The following TMEM132D variants were observed in gnomAD, a reference collection of about 807,000 sequenced individuals.
TMEM132D encodes mature OL transmembrane protein.
Under a neutral mutation model 62.3 loss-of-function variants are expected in TMEM132D, and 21 were observed. That is an observed-to-expected ratio of 0.34 (90% CI 0.24 to 0.49). TMEM132D has a LOEUF of 0.49. Ranked by LOEUF, TMEM132D falls within the 20% of genes least tolerant of loss-of-function variation. TMEM132D has a pLI of 0.99. For synonymous variants in TMEM132D, 621 were observed against 575.6 expected (o/e 1.08, Z -1.13); for missense variants, 1,346 against 1,402.8 (o/e 0.96, Z 0.65).
chr12:129,778,920 G>A (rs890618256), intron 1 of TMEM132D, among the ~76,000 whole-genome samples: 18 of 152,130 alleles, frequency 1.2e-4, no homozygotes, highest in Non-Finnish European at 2.4e-4. Flanking sequence ...TGAATAACAG[G>A]ACAATGATAA....
At chr12:129,817,609 G>A (rs1377572585) in intron 1 of TMEM132D, among the ~76,000 whole-genome samples, 1 of 116,202 alleles carries the variant, frequency 8.6e-6, no homozygotes, top group African/African-American at 3.1e-5. Context: ...GTGTGTGTGT[G>A]TAGTATGGGG....
intron 5 of TMEM132D, among the ~76,000 whole-genome samples, chr12:129,151,516 T>C (rs1415540046): frequency 6.6e-6 from 1 of 152,200 alleles, no homozygotes; most frequent in Non-Finnish European, 1.5e-5. Context: ...GCCATCGTCA[T>C]GCGACGCTCA....
intron 1 of TMEM132D, among the ~76,000 whole-genome samples, chr12:129,846,659 T>G (rs1873372811): frequency 6.6e-6 from 1 of 152,208 alleles, no homozygotes; most frequent in Non-Finnish European, 1.5e-5. Context: ...GAAAATTCTC[T>G]GTTTCTCTCT....
At chr12:129,667,721 A>G (rs1240646801) in intron 2 of TMEM132D, among the ~76,000 whole-genome samples, 1 of 152,120 alleles carries the variant, frequency 6.6e-6, no homozygotes, top group African/African-American at 2.4e-5. Context: ...CAAAAATAAC[A>G]TTTATTTTGT....
At chr12:129,851,857 C>G (rs1873554218) in intron 1 of TMEM132D, among the ~76,000 whole-genome samples, 1 of 152,202 alleles carries the variant, frequency 6.6e-6, no homozygotes, top group Non-Finnish European at 1.5e-5. Flanking sequence ...ATGAGTATGG[C>G]TATATTTTAA....
intron 1 of TMEM132D, among the ~76,000 whole-genome samples, chr12:129,738,917 G>A (rs193150277): frequency 2.0e-5 from 3 of 152,318 alleles, no homozygotes; most frequent in Admixed American, 2.0e-4. Context: ...TCCAGAAGGA[G>A]TATAATGATC....
At chr12:129,688,633 G>T (rs1880987586) in intron 2 of TMEM132D, among the ~76,000 whole-genome samples, 1 of 151,952 alleles carries the variant, frequency 6.6e-6, no homozygotes, top group African/African-American at 2.4e-5. Flanking sequence ...AGTAGGTGGG[G>T]TGGAATTATG....
chr12:129,514,619 G>A (rs868570171), intron 3 of TMEM132D, among the ~76,000 whole-genome samples: 2 of 152,146 alleles, frequency 1.3e-5, no homozygotes, highest in African/African-American at 4.8e-5. Context: ...CATTCATCCC[G>A]AACATTCATC....
At chr12:129,658,322 A>G (rs1880148359) in intron 2 of TMEM132D, among the ~76,000 whole-genome samples, 2 of 152,260 alleles carry the variant, frequency 1.3e-5, no homozygotes, top group Admixed American at 1.3e-4. Context: ...TTCTTCTTTC[A>G]TTTCTCCTAC....
intron 1 of TMEM132D, among the ~76,000 whole-genome samples, chr12:129,707,202 A>G (rs1010242280): frequency 1.8e-4 from 26 of 148,066 alleles, no homozygotes; most frequent in Non-Finnish European, 3.4e-4. Flanking sequence ...TTGTAATATA[A>G]TATATAATAG....
intron 5 of TMEM132D, among the ~76,000 whole-genome samples, chr12:129,114,784 G>A (rs560353021): frequency 9.2e-5 from 14 of 152,288 alleles, no homozygotes; most frequent in African/African-American, 3.1e-4. Context: ...CCAGATGTAC[G>A]TGTTTTCCTA....
chr12:129,810,067 C>A (rs377284881), intron 1 of TMEM132D, among the ~76,000 whole-genome samples: 1 of 152,130 alleles, frequency 6.6e-6, no homozygotes, highest in Non-Finnish European at 1.5e-5. Context: ...AAGGGAGAAG[C>A]AATTTTCCCA....
At chr12:129,102,603 C>A (rs1021119018) in intron 5 of TMEM132D, among the ~76,000 whole-genome samples, 7 of 152,084 alleles carry the variant, frequency 4.6e-5, no homozygotes, top group African/African-American at 1.7e-4. Flanking sequence ...CTGGAAACCT[C>A]AAAAAAATCT....
intron 3 of TMEM132D, among the ~76,000 whole-genome samples, chr12:129,391,784 T>C (rs1026727802): frequency 6.6e-6 from 1 of 152,070 alleles, no homozygotes; most frequent in African/African-American, 2.4e-5. Flanking sequence ...TTAGATAGAG[T>C]CTCGTTCTGT....
At chr12:129,364,510 C>A (rs151300729) in intron 3 of TMEM132D, among the ~76,000 whole-genome samples, 1 of 152,286 alleles carries the variant, frequency 6.6e-6, no homozygotes, top group African/African-American at 2.4e-5. Flanking sequence ...AGACGTATAG[C>A]GTAATTTTGT....
At chr12:129,438,254 C>A (rs1388541990) in intron 3 of TMEM132D, among the ~76,000 whole-genome samples, 2 of 152,074 alleles carry the variant, frequency 1.3e-5, no homozygotes, top group East Asian at 3.9e-4. Flanking sequence ...TGGGTATATA[C>A]CCAGTAATGG....
intron 5 of TMEM132D, among the ~76,000 whole-genome samples, chr12:129,146,340 G>T (rs1876895972): frequency 1.3e-5 from 2 of 151,996 alleles, no homozygotes; most frequent in Non-Finnish European, 2.9e-5. Flanking sequence ...TAGCCTTTCT[G>T]CAATTTTCCT....
intron 5 of TMEM132D, among the ~76,000 whole-genome samples, chr12:129,092,230 G>A (rs56269151): frequency 0.2 from 30,399 of 149,774 alleles, 3,462 homozygotes; most frequent in Non-Finnish European, 0.25. Context: ...TTTAAATGCT[G>A]TATGAATTTA....
intron 1 of TMEM132D, among the ~76,000 whole-genome samples, chr12:129,817,949 G>C (rs951331913): frequency 6.8e-6 from 1 of 146,034 alleles, no homozygotes; most frequent in Non-Finnish European, 1.5e-5. Context: ...GTGTGTGTGT[G>C]GTGTGAGGTG....
Sources: gnomAD v4.1 joint callset for allele counts (sites outside exome capture counted in the v4.1 genomes callset) on GRCh38, gnomAD v4.1.1 for gene constraint, MANE v1.5 for transcripts, NCBI Gene and HGNC (gene_info 2026-07-23, HGNC 2026-07-21) for gene names.